Variants in CD99 observed in about 807,000 individuals in gnomAD.
The protein encoded by CD99 is CD99 molecule (Xg blood group).
In CD99, 19 loss-of-function variants were observed where a neutral mutation model predicts 28.4. That is an observed-to-expected ratio of 0.67 (90% CI 0.47 to 0.98). CD99 has a LOEUF of 0.98. CD99 is among the 50% of genes least tolerant of loss of function. The pLI is 0.00. For missense variants in CD99, 283 were observed against 248.8 expected (o/e 1.14, Z -0.92); for synonymous variants, 103 against 92.1 (o/e 1.12, Z -0.67).
chrX:2,739,869 A>G (rs1203708915), intron 9 of CD99, among the ~76,000 whole-genome samples: 4 of 145,648 alleles, frequency 2.7e-5, no homozygotes, highest in Non-Finnish European at 6.0e-5. Flanking sequence ...TGAGGTTGGG[A>G]GTTCGAGACC....
chrX:2,733,931 C>A (rs767401966), intron 8 of CD99, among the ~76,000 whole-genome samples: 1 of 152,230 alleles, frequency 6.6e-6, no homozygotes, highest in East Asian at 1.9e-4. Flanking sequence ...CAGGTACACA[C>A]CTTGGTTCCT....
At chrX:2,728,199 T>G (rs1210577246) in intron 8 of CD99, among the ~76,000 whole-genome samples, 2 of 146,406 alleles carry the variant, frequency 1.4e-5, no homozygotes, top group African/African-American at 5.2e-5. Context: ...TTTGGTTGTT[T>G]CTTTTTTTTT....
intron 7 of CD99, among the ~76,000 whole-genome samples, chrX:2,724,067 G>T (rs1483113233): frequency 6.6e-6 from 1 of 151,984 alleles, no homozygotes; most frequent in Non-Finnish European, 1.5e-5. Context: ...CTTGTTTTAG[G>T]TATTTATTAT....
At chrX:2,694,141 G>A (rs756263871) in intron 1 of CD99, among the ~76,000 whole-genome samples, 42 of 152,270 alleles carry the variant, frequency 2.8e-4, no homozygotes, top group African/African-American at 8.4e-4. Context: ...AGGCTGATTT[G>A]CCCCACCCCC....
intron 5 of CD99, among the ~76,000 whole-genome samples, chrX:2,721,725 C>A (rs1363065274): frequency 6.6e-6 from 1 of 152,064 alleles, no homozygotes; most frequent in Non-Finnish European, 1.5e-5. Flanking sequence ...TCATTTCTAT[C>A]GTATGAGTTT....
At chrX:2,732,790 TTTCC>T (rs937094080) in intron 8 of CD99, among the ~76,000 whole-genome samples, 11 of 145,780 alleles carry the variant, frequency 7.5e-5, no homozygotes, top group Admixed American at 1.4e-4. Context: ...CCCTTCCTCC[TTTCC>T]TTCCTTCCTT....
At chrX:2,727,692 G>A (rs1271899034) in intron 8 of CD99, among the ~76,000 whole-genome samples, 1 of 152,066 alleles carries the variant, frequency 6.6e-6, no homozygotes, top group Non-Finnish European at 1.5e-5. Context: ...GGCCAGGCTG[G>A]TCTCCAACTC....
chrX:2,710,098 A>G (rs181106731), intron 1 of CD99, among the ~76,000 whole-genome samples: 50 of 152,284 alleles, frequency 3.3e-4, no homozygotes. Flanking sequence ...AGCAGTCCTC[A>G]TGCTAGGATT....
chrX:2,729,887 C>T (rs938818002), intron 8 of CD99, among the ~76,000 whole-genome samples: 6 of 152,008 alleles, frequency 3.9e-5, no homozygotes, highest in Admixed American at 2.6e-4. Context: ...GCGAGGTGGC[C>T]GACACCTGTA....
In CD99 at chrX:2,712,283, G is replaced by C. The variant is rs150051859; in HGVS notation, c.68-2139G>C. 2.2e-3 allele frequency among the ~76,000 whole-genome samples: 335 copies of C among 152,242 alleles called. 2 individuals are homozygous for C. Among genetic ancestry groups the C allele is most frequent in the African/African-American group, 7.5e-3 (311 of 41,528 alleles). ...AGGGTACAACATTTCCATCAGATAG[G>C]AAGGGATAAGTTCAGGGGTCTACTG... On this transcript the variant is annotated intron_variant, in intron 1 of 9. Transcript: ENST00000381192.
intron 2 of CD99, among the ~76,000 whole-genome samples, chrX:2,716,037 G>A (rs1474505779): frequency 7.2e-6 from 1 of 139,470 alleles, no homozygotes; most frequent in African/African-American, 2.7e-5. Context: ...TTTTTTTTCC[G>A]AGATGGAGTC....
At chrX:2,703,672 G>C (rs1452720103) in intron 1 of CD99, among the ~76,000 whole-genome samples, 2 of 150,466 alleles carry the variant, frequency 1.3e-5, no homozygotes, top group African/African-American at 4.9e-5. Flanking sequence ...TCATTTTACA[G>C]AGACACACAG....
intron 8 of CD99, among the ~76,000 whole-genome samples, chrX:2,728,916 A>AACTTCC (rs1569446966): frequency 2.7e-5 from 4 of 148,288 alleles, no homozygotes; most frequent in African/African-American, 7.5e-5. Context: ...GGCTCACTGC[A>AACTTCC]ACCTCGCGGG....
intron 1 of CD99, among the ~76,000 whole-genome samples, chrX:2,705,992 C>G (rs772015715): frequency 6.6e-6 from 1 of 151,146 alleles, no homozygotes; most frequent in African/African-American, 2.4e-5. Flanking sequence ...CGAGGCCCCC[C>G]AAACCTGGAA....
At chrX:2,699,130 CTTCTTTTCTT>C (rs199717817) in intron 1 of CD99, among the ~76,000 whole-genome samples, 8,604 of 151,094 alleles carry the variant, frequency 0.057, 836 homozygotes, top group African/African-American at 0.2. Context: ...TTTCTTTCCT[CTTCTTTTCTT>C]TTCTTTTGTT....
intron 7 of CD99, among the ~76,000 whole-genome samples, chrX:2,725,986 G>A (rs1205441270): frequency 6.6e-6 from 1 of 152,022 alleles, no homozygotes; most frequent in Non-Finnish European, 1.5e-5. Context: ...CCCGTACCTC[G>A]CTGGCCTCTC....
chrX:2,727,225 C>A lies in CD99; in HGVS notation c.475+852C>A, dbSNP rs1424823192. ...CAGGCACCCAGGACCTGGGAAGTTT[C>A]TTGGATCGGGACTAAAATTTACAGG... On this transcript the variant is annotated intron_variant, in intron 8 of 9. Transcript: ENST00000381192. The A allele has an allele frequency of 5.3e-6, 4 of 750,268 alleles. No homozygotes were observed. The Admixed American group carries it at 7.4e-5, about 14-fold the overall frequency. The allele number at this position is 750,268 out of a possible 1,614,324, so 46.5% of individuals were successfully genotyped here. A position where few individuals can be genotyped will look rare whatever the true frequency, so the allele number is the denominator to read the frequency against.
chrX:2,709,826 G>A (rs1201947444), intron 1 of CD99, among the ~76,000 whole-genome samples: 2 of 152,088 alleles, frequency 1.3e-5, no homozygotes, highest in African/African-American at 4.8e-5. Flanking sequence ...ATGAAGAGCT[G>A]TTGAATGCAG....
chrX:2,719,785 C>A, intron 4 of CD99, 80 bp downstream of exon 4: 1 of 1,440,450 alleles, frequency 6.9e-7, no homozygotes, highest in Non-Finnish European at 9.8e-7. Context: ...GAGAATTCTC[C>A]CATTTAAATT....
Sources: allele counts gnomAD v4.1 joint callset (sites outside exome capture counted in the v4.1 genomes callset), GRCh38; gene constraint gnomAD v4.1.1; transcripts MANE v1.5; gene names NCBI Gene and HGNC (gene_info 2026-07-23, HGNC 2026-07-21).